MAGI2: variants seen among roughly 807,000 people sequenced by gnomAD.
MAGI2 encodes membrane-associated guanylate kinase, WW and PDZ domain-containing protein 2.
Under a neutral mutation model 133.3 loss-of-function variants are expected in MAGI2, and 35 were observed. The ratio of observed to expected loss-of-function variants is 0.26; its 90% CI spans 0.20 to 0.35. The LOEUF (loss-of-function observed/expected upper bound fraction) is 0.35, where lower values mean the gene tolerates loss of function less well. MAGI2 is among the 10% of genes least tolerant of loss of function. The pLI is 1.00. For synonymous variants in MAGI2, 729 were observed against 710.6 expected, an observed-to-expected ratio of 1.03 and a Z score of -0.41; for missense variants, 1,636 against 1,863.4, an observed-to-expected ratio of 0.88 and a Z score of 2.25.
At chr7:78,336,752 G>C (rs1789807520) in intron 9 of MAGI2, among the ~76,000 whole-genome samples, 1 of 151,448 alleles carries the variant, frequency 6.6e-6, no homozygotes, top group South Asian at 2.1e-4. Flanking sequence ...GAAGAAAGAA[G>C]AGAGAAGAAA....
intron 1 of MAGI2, among the ~76,000 whole-genome samples, chr7:79,212,178 C>T (rs192187831): frequency 1.3e-4 from 20 of 152,182 alleles, no homozygotes; most frequent in Non-Finnish European, 2.2e-4. Flanking sequence ...GCGCTCTTTA[C>T]ATCAGAATAC....
chr7:78,049,167 G>A (rs973676572), intron 21 of MAGI2, among the ~76,000 whole-genome samples: 15 of 151,568 alleles, frequency 9.9e-5, no homozygotes, highest in Admixed American at 2.6e-4. Flanking sequence ...TTTACCCTCA[G>A]ACTTAAGACA....
chr7:78,624,742 A>G (rs956911356), intron 3 of MAGI2, among the ~76,000 whole-genome samples: 4 of 152,078 alleles, frequency 2.6e-5, no homozygotes, highest in Admixed American at 2.0e-4. Context: ...GCAAACCACT[A>G]TGGCACGTAT....
intron 20 of MAGI2, among the ~76,000 whole-genome samples, chr7:78,101,593 A>G (rs1474322795): frequency 2.6e-5 from 4 of 152,204 alleles, no homozygotes; most frequent in Non-Finnish European, 5.9e-5. Flanking sequence ...TGAAAATTTA[A>G]AACTCCTAGA....
intron 1 of MAGI2, among the ~76,000 whole-genome samples, chr7:79,048,932 G>T (rs560771682): frequency 1.3e-5 from 2 of 152,290 alleles, no homozygotes; most frequent in South Asian, 2.1e-4. Context: ...AGGTTGCAGT[G>T]AAATGTAGAT....
At chr7:78,575,528 G>C (rs1802177630) in intron 3 of MAGI2, among the ~76,000 whole-genome samples, 1 of 152,196 alleles carries the variant, frequency 6.6e-6, no homozygotes, top group South Asian at 2.1e-4. Flanking sequence ...AGGGGGTAGA[G>C]TGTGGGGGAA....
intron 1 of MAGI2, among the ~76,000 whole-genome samples, chr7:79,152,865 T>C (rs1823391700): frequency 6.6e-6 from 1 of 152,224 alleles, no homozygotes; most frequent in African/African-American, 2.4e-5. Context: ...TAGGATAAAC[T>C]GAGTACAGAC....
intron 1 of MAGI2, among the ~76,000 whole-genome samples, chr7:79,225,500 T>G (rs992145433): frequency 2.0e-5 from 3 of 152,190 alleles, no homozygotes; most frequent in African/African-American, 7.2e-5. Context: ...TTTAAAAGAT[T>G]TACAAGCAAA....
intron 1 of MAGI2, among the ~76,000 whole-genome samples, chr7:79,125,940 A>G (rs1414801705): frequency 1.3e-5 from 2 of 152,258 alleles, no homozygotes; most frequent in African/African-American, 4.8e-5. Flanking sequence ...AGCTGCTACA[A>G]AGAAGACATG....
chr7:78,528,251 T>G (rs1482747912), intron 3 of MAGI2, among the ~76,000 whole-genome samples: 3 of 152,284 alleles, frequency 2.0e-5, no homozygotes, highest in Admixed American at 2.0e-4. Context: ...CTGCAAAAAT[T>G]GACTCTGACG....
intron 1 of MAGI2, among the ~76,000 whole-genome samples, chr7:79,244,520 C>T (rs147825535): frequency 6.6e-6 from 1 of 152,240 alleles, no homozygotes; most frequent in Non-Finnish European, 1.5e-5. Flanking sequence ...GGTAAAAACA[C>T]CGAGCAGAAG....
intron 1 of MAGI2, among the ~76,000 whole-genome samples, chr7:79,181,944 T>C (rs1050004438): frequency 6.6e-5 from 10 of 151,954 alleles, no homozygotes; most frequent in Admixed American, 3.3e-4. Context: ...TTTGCTCCAG[T>C]TTTCAACAAG....
chr7:79,366,249 A>C (rs1373325731), intron 1 of MAGI2, among the ~76,000 whole-genome samples: 1 of 152,098 alleles, frequency 6.6e-6, no homozygotes, highest in Non-Finnish European at 1.5e-5. Context: ...CAAAAAACAA[A>C]CAAACAAACA....
chr7:78,179,226 A>C (rs1418000107), intron 13 of MAGI2, among the ~76,000 whole-genome samples: 1 of 152,256 alleles, frequency 6.6e-6, no homozygotes, highest in Non-Finnish European at 1.5e-5. Flanking sequence ...GCAGGTATTA[A>C]GTAAAATTCC....
intron 2 of MAGI2, among the ~76,000 whole-genome samples, chr7:78,779,009 C>T (rs916037135): frequency 2.7e-5 from 4 of 149,858 alleles, no homozygotes; most frequent in East Asian, 3.9e-4. Flanking sequence ...CCGGTTCAAG[C>T]GATTCTCCTT....
intron 6 of MAGI2, among the ~76,000 whole-genome samples, chr7:78,442,279 T>C (rs189079136): frequency 1.3e-5 from 2 of 152,332 alleles, no homozygotes; most frequent in Non-Finnish European, 2.9e-5. Context: ...TCCTATCTGA[T>C]TGAAAATCAT....
At chr7:78,058,008 T>TATA (rs1812822930) in intron 21 of MAGI2, among the ~76,000 whole-genome samples, 1 of 143,336 alleles carries the variant, frequency 7.0e-6, no homozygotes, top group Admixed American at 6.8e-5. Flanking sequence ...TATATATGTA[T>TATA]GAGAAACATC....
chr7:78,799,869 G>A (rs576784737), intron 2 of MAGI2, among the ~76,000 whole-genome samples: 1 of 152,134 alleles, frequency 6.6e-6, no homozygotes, highest in Admixed American at 6.5e-5. Context: ...CATTTTTAAA[G>A]TATTACCATC....
In MAGI2 at chr7:78,265,080, G is replaced by GT. The variant is rs5885047; in HGVS notation, c.1409-8500dup. Among the ~76,000 whole-genome samples the GT allele has an allele frequency of 1.6e-3, 231 of 145,394 alleles. 1 individual carries two copies. The highest frequency in any genetic ancestry group is 8.7e-3 in the East Asian group (43 of 4,950). On this transcript the variant is annotated intron_variant, in intron 9 of 21. Transcript: ENST00000354212. ...AGTGCAGATGCTTAATTAAAAGCTT[G>GT]TTTTTTTTTTTTAAATTATGATTAA...
Sources: allele counts gnomAD v4.1 joint callset (sites outside exome capture counted in the v4.1 genomes callset), GRCh38; gene constraint gnomAD v4.1.1; transcripts MANE v1.5; gene names NCBI Gene and HGNC (gene_info 2026-07-23, HGNC 2026-07-21).